KCTD16: variants seen among roughly 807,000 people sequenced by gnomAD.
KCTD16 encodes the protein BTB/POZ domain-containing protein KCTD16.
In KCTD16, 13 loss-of-function variants were observed where a neutral mutation model predicts 33.2. The ratio of observed to expected loss-of-function variants is 0.39; its 90% CI spans 0.25 to 0.62. KCTD16 has a LOEUF of 0.62. KCTD16 is among the 20% of genes least tolerant of loss of function. The pLI is 0.50. For missense variants in KCTD16, 441 were observed against 525.1 expected (o/e 0.84, Z 1.57); for synonymous variants, 197 against 195.3 (o/e 1.01, Z -0.07).
chr5:144,247,063 A>G (rs1364906037), intron 3 of KCTD16, among the ~76,000 whole-genome samples: 3 of 152,188 alleles, frequency 2.0e-5, no homozygotes, highest in Admixed American at 6.5e-5. Context: ...TAGGTAAAGC[A>G]CTTATTCTAG....
At chr5:144,345,942 C>G (rs1470352616) in intron 3 of KCTD16, among the ~76,000 whole-genome samples, 1 of 146,328 alleles carries the variant, frequency 6.8e-6, no homozygotes, top group Admixed American at 7.0e-5. Flanking sequence ...AATAGTAGGT[C>G]TTATTCATTC....
At chr5:144,176,728 G>A (rs937386053) in intron 2 of KCTD16, among the ~76,000 whole-genome samples, 1 of 152,154 alleles carries the variant, frequency 6.6e-6, no homozygotes, top group African/African-American at 2.4e-5. Context: ...TAAAATCATA[G>A]ATGTGTCAGA....
chr5:144,274,502 G>C (rs1033568037), intron 3 of KCTD16, among the ~76,000 whole-genome samples: 2 of 152,136 alleles, frequency 1.3e-5, no homozygotes. Flanking sequence ...TGTGAATTTA[G>C]ACCTAATCAG....
chr5:144,176,260 T>A (rs1752503772), intron 2 of KCTD16, among the ~76,000 whole-genome samples: 1 of 152,134 alleles, frequency 6.6e-6, no homozygotes, highest in African/African-American at 2.4e-5. Context: ...AAACACAGAA[T>A]TTATCAGGAG....
intron 3 of KCTD16, among the ~76,000 whole-genome samples, chr5:144,258,862 T>G (rs1219262067): frequency 6.6e-6 from 1 of 152,122 alleles, no homozygotes; most frequent in Non-Finnish European, 1.5e-5. Context: ...TGCAGAGAAA[T>G]GACTCTCAGT....
intron 3 of KCTD16, among the ~76,000 whole-genome samples, chr5:144,396,319 T>C (rs766211596): frequency 6.6e-6 from 1 of 152,190 alleles, no homozygotes; most frequent in African/African-American, 2.4e-5. Flanking sequence ...TTTATCCTTT[T>C]GATGTAAGTG....
At chr5:144,329,913 C>T (rs762863039) in intron 3 of KCTD16, among the ~76,000 whole-genome samples, 22 of 152,110 alleles carry the variant, frequency 1.4e-4, no homozygotes, top group Non-Finnish European at 2.4e-4. Flanking sequence ...GGTTGAAATT[C>T]TCATAGGTGG....
At chr5:144,253,102 T>C (rs1754747245) in intron 3 of KCTD16, among the ~76,000 whole-genome samples, 1 of 152,088 alleles carries the variant, frequency 6.6e-6, no homozygotes, top group Non-Finnish European at 1.5e-5. Context: ...ACCAACTACA[T>C]TTAGAATATT....
At position 144,418,289 on chromosome 5, in the gene KCTD16, G is replaced by A. The variant is rs574346482; in HGVS notation, c.833-55371G>A. On this transcript the variant is annotated intron_variant, in intron 3 of 3. Transcript: ENST00000512467. ...AAGGAGACCGAGTGGGTTGCCAACGGGGATTCTGGTGGCCTGCTTTTATTA... is the reference window on the plus strand; with the variant it reads ...AAGGAGACCGAGTGGGTTGCCAACGAGGATTCTGGTGGCCTGCTTTTATTA... Among the ~76,000 whole-genome samples the A allele has an allele frequency of 1.6e-4, 25 of 152,262 alleles. No individual in the cohort carries two copies. The South Asian group carries it at 3.7e-3, about 23-fold the overall frequency.
chr5:144,191,705 C>T (rs1561524016), intron 2 of KCTD16, among the ~76,000 whole-genome samples: 1 of 152,128 alleles, frequency 6.6e-6, no homozygotes, highest in African/African-American at 2.4e-5. Flanking sequence ...ACTTATCTCT[C>T]TCTAGACTTG....
intron 3 of KCTD16, among the ~76,000 whole-genome samples, chr5:144,434,858 A>G (rs566947665): frequency 1.3e-5 from 2 of 152,270 alleles, no homozygotes; most frequent in South Asian, 4.1e-4. Flanking sequence ...CCAAGGAATC[A>G]CTGGTCTTAA....
chr5:144,348,390 G>C (rs1278162063), intron 3 of KCTD16, among the ~76,000 whole-genome samples: 5 of 152,092 alleles, frequency 3.3e-5, no homozygotes, highest in Admixed American at 3.3e-4. Context: ...TGAGGCCTAG[G>C]GAAATGCAGT....
Position 144,197,998 on chromosome 5 carries a change from C to T in KCTD16, c.-326-8391C>T, listed in dbSNP as rs1207483098. Among the ~76,000 whole-genome samples, 4 of 152,002 alleles carry T rather than the reference C, an allele frequency of 2.6e-5. No individual in the cohort carries two copies. In the East Asian group the frequency reaches 7.7e-4, roughly 29 times the overall value. On this transcript the variant is annotated intron_variant, in intron 2 of 3. Coordinates refer to ENST00000512467, the MANE Select transcript of KCTD16 (RefSeq NM_020768.4). ...TTAAAGGTTTCTCTTTTTTTCCATT[C>T]CAATTTGACCCCACATCGAAGACAT...
chr5:144,402,738 A>G (rs980994406), intron 3 of KCTD16, among the ~76,000 whole-genome samples: 6 of 152,176 alleles, frequency 3.9e-5, no homozygotes, highest in Admixed American at 3.3e-4. Flanking sequence ...TCCCTTTGTT[A>G]AGGGAACTAT....
At chr5:144,331,942 A>G (rs1051547067) in intron 3 of KCTD16, among the ~76,000 whole-genome samples, 9 of 152,236 alleles carry the variant, frequency 5.9e-5, no homozygotes, top group South Asian at 2.1e-4. Context: ...AACTCAGAGC[A>G]TTCATAATTG....
chr5:144,226,856 A>G lies in KCTD16; in HGVS notation c.832+19310A>G, dbSNP rs547313861. ...CCAAAATGCTGGGATTACAGGTGTG[A>G]GACACTGCGCCTGGCCAAATCTATT... On this transcript the variant is annotated intron_variant, in intron 3 of 3. Coordinates refer to ENST00000512467, the MANE Select transcript of KCTD16 (RefSeq NM_020768.4). Among the ~76,000 whole-genome samples the G allele has an allele frequency of 1.1e-4, 17 of 152,360 alleles. No individual in the cohort carries two copies. The East Asian group carries it at 3.1e-3, about 28-fold the overall frequency.
In KCTD16 at chr5:144,481,253, G is replaced by C. The variant is rs1456089154; in HGVS notation, c.*7139G>C. The C allele has an allele frequency of 6.6e-6, 1 of 151,980 alleles. No homozygotes were observed. The highest frequency in any genetic ancestry group is 2.4e-5 in the African/African-American group (1 of 41,428). 9.4% of individuals were successfully genotyped at this position (151,980 alleles called of 1,614,324 possible). On this transcript the variant is annotated 3_prime_UTR_variant, in exon 4 of 4. Coordinates refer to ENST00000512467, the MANE Select transcript of KCTD16 (RefSeq NM_020768.4). ...AAGCTGATCAACAGTAGACCACAAAGTGCTCTCAGAAATGAAACTAGTAAG... is the reference window on the plus strand; with the variant it reads ...AAGCTGATCAACAGTAGACCACAAACTGCTCTCAGAAATGAAACTAGTAAG...
chr5:144,331,188 G>A (rs1752349345), intron 3 of KCTD16, among the ~76,000 whole-genome samples: 1 of 152,318 alleles, frequency 6.6e-6, no homozygotes, highest in South Asian at 2.1e-4. Flanking sequence ...TCCTTGTAGA[G>A]TTCCTGGTAC....
At chr5:144,280,750 C>G (rs1755578921) in intron 3 of KCTD16, among the ~76,000 whole-genome samples, 1 of 152,150 alleles carries the variant, frequency 6.6e-6, no homozygotes, top group African/African-American at 2.4e-5. Context: ...TGGTGAAACC[C>G]CATCTCTACT....
Sources: gnomAD v4.1 joint callset for allele counts (sites outside exome capture counted in the v4.1 genomes callset) on GRCh38, gnomAD v4.1.1 for gene constraint, MANE v1.5 for transcripts, NCBI Gene and HGNC (gene_info 2026-07-23, HGNC 2026-07-21) for gene names.